Variants in CRYBB2 observed in about 807,000 individuals in gnomAD.
The protein encoded by CRYBB2 is crystallin beta B2, also known as beta-crystallin B2.
A neutral mutation model predicts 24.3 loss-of-function variants in CRYBB2; 12 were observed. The observed-to-expected ratio is 0.49, with a 90% confidence interval of 0.32 to 0.80. The LOEUF is 0.80. Ranked by LOEUF, CRYBB2 falls within the 30% of genes least tolerant of loss-of-function variation. The pLI is 0.04. For synonymous variants in CRYBB2, 98 were observed against 101.6 expected, an observed-to-expected ratio of 0.96 and a Z score of 0.21; for missense variants, 198 against 268.5, an observed-to-expected ratio of 0.74 and a Z score of 1.83.
chr22:25,222,235 A>G (rs974400002), intron 2 of CRYBB2, among the ~76,000 whole-genome samples: 1 of 152,210 alleles, frequency 6.6e-6, no homozygotes, highest in Admixed American at 6.5e-5. Flanking sequence ...GCCTGAGCAG[A>G]TACAGCCCCT....
chr22:25,219,416 T>C (rs891703675), upstream of CRYBB2: 1 of 152,264 alleles, frequency 6.6e-6, no homozygotes, highest in Admixed American at 6.5e-5. Context: ...AAAGCGGGCA[T>C]CTCCTTGCCC....
At chr22:25,225,175 ATGCTT>A in intron 3 of CRYBB2, 139 bp downstream of exon 3, 1 of 727,590 alleles carries the variant, frequency 1.4e-6, no homozygotes. Context: ...GAGATAATTC[ATGCTT>A]TGCAGTCAGA....
At chr22:25,223,796 G>A (rs999976004) in intron 2 of CRYBB2, among the ~76,000 whole-genome samples, 5 of 152,152 alleles carry the variant, frequency 3.3e-5, no homozygotes, top group African/African-American at 9.7e-5. Context: ...GTTTGCTGGG[G>A]AAGTGTGGCT....
intron 1 of CRYBB2, chr22:25,212,868 CA>C (rs931882154): frequency 1.3e-5 from 2 of 152,122 alleles, no homozygotes; most frequent in African/African-American, 2.4e-5. Context: ...CATTCTTTAC[CA>C]TTTTGGAAGT....
upstream of CRYBB2, among the ~76,000 whole-genome samples, chr22:25,215,078 G>T (rs1935150565): frequency 6.6e-6 from 1 of 152,200 alleles, no homozygotes; most frequent in African/African-American, 2.4e-5. Flanking sequence ...CCTAATACAT[G>T]GTGCAGGGAC....
chr22:25,221,550 A>G, intron 2 of CRYBB2, 67 bp downstream of exon 2: 1 of 1,274,056 alleles, frequency 7.8e-7, no homozygotes, highest in Non-Finnish European at 1.1e-6. Context: ...CTTCTGTAAA[A>G]TGGGCTTGGC....
intron 2 of CRYBB2, among the ~76,000 whole-genome samples, chr22:25,221,915 T>G (rs2146087660): frequency 6.6e-6 from 1 of 152,114 alleles, no homozygotes; most frequent in East Asian, 1.9e-4. Flanking sequence ...AAAGGAGGAG[T>G]CAGATTTATT....
chr22:25,227,916 C>A lies in CRYBB2; in HGVS notation c.237C>A (p.Tyr79Ter). The change falls in exon 4 of 6, where the codon TAC becomes TAA. Residue 79 changes from tyrosine (Y) to a stop codon, truncating the protein, a stop_gained. Transcript: ENST00000398215. LOFTEE classifies it high-confidence loss of function. Reference protein sequence around the residue: ...GEQFVFEKGEYPRWDSWTSSR... With the variant: ...GEQFVFEKGE ...AGTTTGTGTTTGAGAAGGGTGAGTA[C>A]CCCCGCTGGGACTCATGGACCAGCA... 2 of 1,614,130 alleles carry A rather than the reference C, an allele frequency of 1.2e-6. No homozygotes were observed. The highest frequency in any genetic ancestry group is 1.1e-5 in the South Asian group (1 of 91,072).
chr22:25,229,610 C>A (rs1935497347), intron 5 of CRYBB2, 32 bp downstream of exon 5: 1 of 1,612,828 alleles, frequency 6.2e-7, no homozygotes, highest in African/African-American at 1.3e-5. Flanking sequence ...GCTCACCCTG[C>A]CCCAGGAACT....
upstream of CRYBB2, among the ~76,000 whole-genome samples, chr22:25,217,958 A>C (rs1421858922): frequency 6.6e-6 from 1 of 152,098 alleles, no homozygotes; most frequent in Non-Finnish European, 1.5e-5. Flanking sequence ...AGGTGTGTGC[A>C]CTAAAGAAAC....
chr22:25,228,314 A>G (rs1390107435), intron 4 of CRYBB2, among the ~76,000 whole-genome samples: 5 of 147,164 alleles, frequency 3.4e-5, no homozygotes, highest in African/African-American at 1.3e-4. Flanking sequence ...GGCACTATTC[A>G]CATTCTATTT....
At chr22:25,224,786 T>C (rs1373070414) in intron 2 of CRYBB2, 132 bp from the exon 3 acceptor site, 16 of 765,070 alleles carry the variant, frequency 2.1e-5, no homozygotes, top group Non-Finnish European at 3.9e-5. Context: ...TTTGATTTTA[T>C]GTTTGATTTG....
At chr22:25,212,158 G>A (rs887146142), upstream of CRYBB2, among the ~76,000 whole-genome samples, 5 of 152,212 alleles carry the variant, frequency 3.3e-5, no homozygotes, top group African/African-American at 1.2e-4. Context: ...AAGAAGGAGG[G>A]CAACAGACAG....
intron 3 of CRYBB2, among the ~76,000 whole-genome samples, 197 bp downstream of exon 3, chr22:25,225,233 G>A (rs1338278103): frequency 1.3e-5 from 2 of 152,200 alleles, no homozygotes; most frequent in Non-Finnish European, 2.9e-5. Flanking sequence ...TCTGGGTTGT[G>A]TGGTGTTGGA....
upstream of CRYBB2, among the ~76,000 whole-genome samples, chr22:25,215,098 G>A (rs140552885): frequency 2.3e-3 from 356 of 152,320 alleles, 2 homozygotes; most frequent in African/African-American, 8.4e-3. Flanking sequence ...CCAAGTGTTG[G>A]GAACAGGCCC....
At chr22:25,221,084 A>G (rs540582214) in intron 1 of CRYBB2, among the ~76,000 whole-genome samples, 5 of 152,280 alleles carry the variant, frequency 3.3e-5, no homozygotes, top group Admixed American at 2.6e-4. Flanking sequence ...TGACCATTCT[A>G]TATTCTGTGT....
At chr22:25,221,335 C>T in intron 1 of CRYBB2, 69 bp from the exon 2 acceptor site, 1 of 946,052 alleles carries the variant, frequency 1.1e-6, no homozygotes. Context: ...GGAGTGGTCT[C>T]AAGGCCCCAC....
chr22:25,229,031 CGTGCGTGT>C (rs889123260), intron 4 of CRYBB2, among the ~76,000 whole-genome samples: 7 of 143,408 alleles, frequency 4.9e-5, no homozygotes, highest in Admixed American at 4.8e-4. Context: ...CACGTGTGTG[CGTGCGTGT>C]GTGCAAGTGT....
intron 1 of CRYBB2, among the ~76,000 whole-genome samples, chr22:25,214,629 G>A (rs1935143718): frequency 2.6e-5 from 4 of 152,182 alleles, no homozygotes; most frequent in South Asian, 2.1e-4. Context: ...GTTACTGAGC[G>A]CTTTCTATAA....
Sources: allele counts gnomAD v4.1 joint callset (sites outside exome capture counted in the v4.1 genomes callset), GRCh38; gene constraint gnomAD v4.1.1; transcripts MANE v1.5; gene names NCBI Gene and HGNC (gene_info 2026-07-23, HGNC 2026-07-21).